CORO2B: variants seen among roughly 807,000 people sequenced by gnomAD.
CORO2B encodes the protein coronin-2B.
CORO2B carries 26 observed loss-of-function variants against 58.8 expected under a neutral mutation model. The observed-to-expected ratio is 0.44, with a 90% CI of 0.32 to 0.61. CORO2B has a LOEUF of 0.61. Among genes scored for constraint, CORO2B ranks in the 20% least tolerant of loss-of-function variants. The pLI is 0.04. For synonymous variants in CORO2B, 242 were observed against 253.8 expected, an observed-to-expected ratio of 0.95 and a Z score of 0.44; for missense variants, 460 against 645.1, an observed-to-expected ratio of 0.71 and a Z score of 3.11.
intron 3 of CORO2B, among the ~76,000 whole-genome samples, chr15:68,700,228 T>G (rs1357098138): frequency 6.6e-6 from 1 of 152,150 alleles, no homozygotes; most frequent in African/African-American, 2.4e-5. Context: ...GCAAAGCTGC[T>G]GTGTGTGCCA....
chr15:68,580,095 G>A (rs1025660018), intron 1 of CORO2B, among the ~76,000 whole-genome samples: 21 of 152,374 alleles, frequency 1.4e-4, no homozygotes, highest in Middle Eastern at 3.4e-3. Context: ...ACCTTGGTCG[G>A]GGAGGGGTCC....
At chr15:68,725,364 G>A (rs970849565) in intron 11 of CORO2B, among the ~76,000 whole-genome samples, 3 of 151,850 alleles carry the variant, frequency 2.0e-5, no homozygotes, top group African/African-American at 7.3e-5. Flanking sequence ...GCGAGACTTT[G>A]TCTCAAAAAT....
intron 10 of CORO2B, 59 bp downstream of exon 10, chr15:68,719,293 G>C (rs1893106259): frequency 1.3e-6 from 2 of 1,598,868 alleles, no homozygotes; most frequent in African/African-American, 1.3e-5. Flanking sequence ...CTTCAGCGCA[G>C]CTCACCCCAG....
chr15:68,526,404 A>G, the CORO2B span, among the ~76,000 whole-genome samples: 1 of 152,150 alleles, frequency 6.6e-6, no homozygotes, highest in Non-Finnish European at 1.5e-5. Flanking sequence ...CATCCTTCCA[A>G]TTCTTGGATT....
Position 68,686,190 on chromosome 15 carries a change from C to T in CORO2B, c.217-8950C>T, listed in dbSNP as rs150559569. Among the ~76,000 whole-genome samples the T allele has an allele frequency of 3.0e-3, 453 of 151,728 alleles. 12 individuals carry two copies. The East Asian group carries it at 0.078, about 26-fold the overall frequency. On this transcript the variant is annotated intron_variant, in intron 2 of 11. Transcript: ENST00000261861. The stretch of plus-strand genomic sequence containing the variant: ...TAGCTGGGATTATAGGCATGTGCCA[C>T]CACGCCTGGCTAATTTTGTAGTTTT...
intron 4 of CORO2B, 31 bp from the exon 5 acceptor site, chr15:68,711,511 G>C: frequency 1.3e-6 from 2 of 1,596,948 alleles, no homozygotes; most frequent in Non-Finnish European, 1.7e-6. Flanking sequence ...AGCAGCCACT[G>C]ACCCTGCCTC....
chr15:68,692,823 G>A (rs1313767612), intron 2 of CORO2B, among the ~76,000 whole-genome samples: 3 of 151,126 alleles, frequency 2.0e-5, no homozygotes, highest in Non-Finnish European at 3.0e-5. Context: ...TAGTAGAGAC[G>A]GGTTTTCTCC....
chr15:68,723,443 T>C (rs1893214651), intron 11 of CORO2B, among the ~76,000 whole-genome samples: 1 of 151,664 alleles, frequency 6.6e-6, no homozygotes, highest in African/African-American at 2.4e-5. Context: ...TTGGTTTCTT[T>C]GTTGTTGTTG....
the CORO2B span, among the ~76,000 whole-genome samples, chr15:68,519,762 A>G: frequency 6.6e-6 from 1 of 152,318 alleles, no homozygotes; most frequent in Admixed American, 6.5e-5. Context: ...AGATACTTAC[A>G]TAAGTGGCTT....
the CORO2B span, among the ~76,000 whole-genome samples, chr15:68,519,988 A>G: frequency 6.6e-6 from 1 of 152,234 alleles, no homozygotes; most frequent in Non-Finnish European, 1.5e-5. Flanking sequence ...ATAGCATTCA[A>G]TCCAAACTAT....
chr15:68,618,954 C>T (rs1276573057), intron 1 of CORO2B, among the ~76,000 whole-genome samples: 2 of 152,152 alleles, frequency 1.3e-5, no homozygotes, highest in Non-Finnish European at 2.9e-5. Context: ...AAAAATTTAT[C>T]TAGGAGAGGA....
intron 2 of CORO2B, among the ~76,000 whole-genome samples, chr15:68,652,221 G>A (rs530556966): frequency 3.3e-5 from 5 of 152,318 alleles, no homozygotes; most frequent in Admixed American, 2.6e-4. Context: ...TCGGGCTGCC[G>A]TTGTGAAGGC....
the CORO2B span, among the ~76,000 whole-genome samples, chr15:68,544,140 A>T: frequency 1.3e-5 from 2 of 152,182 alleles, no homozygotes; most frequent in African/African-American, 4.8e-5. Flanking sequence ...ATCAGAACAG[A>T]GGTGCTGATG....
At chr15:68,698,198 C>G (rs1424985397) in intron 3 of CORO2B, among the ~76,000 whole-genome samples, 2 of 152,236 alleles carry the variant, frequency 1.3e-5, no homozygotes, top group African/African-American at 2.4e-5. Flanking sequence ...CGCTGCAAAG[C>G]CCATGCTCTG....
intron 1 of CORO2B, among the ~76,000 whole-genome samples, chr15:68,595,167 G>A (rs1255602733): frequency 6.6e-6 from 1 of 152,240 alleles, no homozygotes; most frequent in Non-Finnish European, 1.5e-5. Context: ...CAGCCAAGTG[G>A]CAGCCTCAGC....
intron 1 of CORO2B, among the ~76,000 whole-genome samples, chr15:68,614,797 G>A (rs1900314641): frequency 6.6e-6 from 1 of 152,226 alleles, no homozygotes; most frequent in Non-Finnish European, 1.5e-5. Context: ...AGCTCTGACT[G>A]GAGCGCTTTG....
At chr15:68,670,280 T>A (rs902923826) in intron 2 of CORO2B, among the ~76,000 whole-genome samples, 3 of 152,046 alleles carry the variant, frequency 2.0e-5, no homozygotes, top group African/African-American at 4.8e-5. Context: ...GTTTAAGCTA[T>A]CCTACCACCT....
intron 2 of CORO2B, among the ~76,000 whole-genome samples, chr15:68,669,581 C>T (rs1483496220): frequency 1.3e-5 from 2 of 152,106 alleles, no homozygotes; most frequent in African/African-American, 4.8e-5. Context: ...CTTTTGGCCT[C>T]ACTTTCGTTG....
At chr15:68,666,964 C>G (rs553230420) in intron 2 of CORO2B, among the ~76,000 whole-genome samples, 153 of 152,224 alleles carry the variant, frequency 1.0e-3, no homozygotes, top group African/African-American at 3.5e-3. Flanking sequence ...GCTCTGGGCT[C>G]CTTCCTGGGC....
Sources: allele counts gnomAD v4.1 joint callset (sites outside exome capture counted in the v4.1 genomes callset), GRCh38; gene constraint gnomAD v4.1.1; transcripts MANE v1.5; gene names NCBI Gene and HGNC (gene_info 2026-07-23, HGNC 2026-07-21).